Variants in CNTNAP4 observed in about 807,000 individuals in gnomAD.
CNTNAP4 encodes the protein contactin associated protein family member 4, also known as contactin-associated protein-like 4.
A neutral mutation model predicts 148.4 loss-of-function variants in CNTNAP4; 98 were observed. The ratio of observed to expected loss-of-function variants is 0.66; its 90% CI spans 0.56 to 0.78. The LOEUF is 0.78. CNTNAP4 is among the 30% of genes least tolerant of loss of function. CNTNAP4 has a pLI of 0.00. For missense variants in CNTNAP4, 1,935 were observed against 1,565.6 expected (o/e 1.24, Z -3.98); for synonymous variants, 730 against 565.1 (o/e 1.29, Z -4.14).
intron 1 of CNTNAP4, among the ~76,000 whole-genome samples, chr16:76,306,223 G>T (rs1960465420): frequency 6.6e-6 from 1 of 152,154 alleles, no homozygotes; most frequent in Admixed American, 6.5e-5. Flanking sequence ...AGTTCTTTGA[G>T]AAATATCTAA....
Position 76,454,229 on chromosome 16 carries a change from C to G in CNTNAP4, c.1333+1460C>G, listed in dbSNP as rs750443058. 9.9e-5 allele frequency among the ~76,000 whole-genome samples: 15 copies of G among 152,000 alleles called. No homozygotes were observed. The South Asian group carries it at 2.1e-3, about 21-fold the overall frequency. Reference sequence around the variant, plus strand: ...TCCCGGGTTCAAGTGATTCTCCTGCCTCAGCCTCCCAAGTAACTGGGATTA... The same window carrying G: ...TCCCGGGTTCAAGTGATTCTCCTGCGTCAGCCTCCCAAGTAACTGGGATTA... On this transcript the variant is annotated intron_variant, in intron 8 of 23. Coordinates refer to ENST00000611870, the MANE Select transcript of CNTNAP4 (RefSeq NM_033401.5).
In CNTNAP4 at chr16:76,560,029, A is replaced by G. The variant is rs2085355540; in HGVS notation, c.*1346A>G. Among the ~76,000 whole-genome samples the G allele has an allele frequency of 1.3e-5, 2 of 152,220 alleles. No homozygotes were observed. The highest frequency in any genetic ancestry group is 6.5e-5 in the Admixed American group (1 of 15,274). On this transcript the variant is annotated 3_prime_UTR_variant, in exon 24 of 24. Transcript: ENST00000611870. Reference sequence around the variant, plus strand: ...TGGTACATTCTGATTAGGGTGTATTATACACTAGGAGATCAAAGAATGATC... The same window carrying G: ...TGGTACATTCTGATTAGGGTGTATTGTACACTAGGAGATCAAAGAATGATC...
chr16:76,299,543 G>A (rs1959706789), intron 1 of CNTNAP4, among the ~76,000 whole-genome samples: 1 of 152,144 alleles, frequency 6.6e-6, no homozygotes, highest in Non-Finnish European at 1.5e-5. Flanking sequence ...TTACACTGTT[G>A]GTGGGACTGT....
chr16:76,414,191 CA>C (rs1568066794), intron 3 of CNTNAP4, among the ~76,000 whole-genome samples: 1 of 151,338 alleles, frequency 6.6e-6, no homozygotes, highest in Non-Finnish European at 1.5e-5. Flanking sequence ...ATGATTTTTA[CA>C]GATACTCTTT....
At chr16:76,383,342 C>G (rs376408409) in intron 3 of CNTNAP4, among the ~76,000 whole-genome samples, 1 of 142,684 alleles carries the variant, frequency 7.0e-6, no homozygotes, top group Admixed American at 7.3e-5. Flanking sequence ...ATGTGTGCTT[C>G]GAAAGATTCT....
chr16:76,426,237 A>G (rs757349588), intron 3 of CNTNAP4, among the ~76,000 whole-genome samples: 3 of 152,148 alleles, frequency 2.0e-5, no homozygotes, highest in Non-Finnish European at 4.4e-5. Context: ...TGTTTTGGTA[A>G]ATGATAGTAA....
chr16:76,550,961 A>G lies in CNTNAP4; in HGVS notation c.3443-2322A>G, dbSNP rs1228582129. Among the ~76,000 whole-genome samples the G allele has an allele frequency of 2.0e-5, 3 of 152,204 alleles. No individual in the cohort carries two copies. In the South Asian group the frequency reaches 6.2e-4, roughly 31 times the overall value. On this transcript the variant is annotated intron_variant, in intron 21 of 23. Coordinates refer to ENST00000611870, the MANE Select transcript of CNTNAP4 (RefSeq NM_033401.5). Reference sequence around the variant, plus strand: ...GTGGGTCAGAACATGGCTCAATACCAGATCCCTCACAACAGGAAAGTGATA... The same window carrying G: ...GTGGGTCAGAACATGGCTCAATACCGGATCCCTCACAACAGGAAAGTGATA...
chr16:76,335,094 G>C (rs1160012121), intron 2 of CNTNAP4, among the ~76,000 whole-genome samples: 1 of 152,102 alleles, frequency 6.6e-6, no homozygotes, highest in Non-Finnish European at 1.5e-5. Context: ...GAGGTCACAG[G>C]GGAATGGGGT....
intron 17 of CNTNAP4, among the ~76,000 whole-genome samples, chr16:76,530,363 G>A (rs1432147163): frequency 6.6e-6 from 1 of 152,016 alleles, no homozygotes; most frequent in African/African-American, 2.4e-5. Context: ...TCCCATCCTT[G>A]AGGCATCTTT....
In CNTNAP4 at chr16:76,356,147, T is replaced by A. The variant is rs187993096; in HGVS notation, c.390+636T>A. Reference sequence around the variant, plus strand: ...GTCTCGGCGTCCCAAAGTGCTGGGATTATAGGCATGAGCCACTGAGCCCAG... The same window carrying A: ...GTCTCGGCGTCCCAAAGTGCTGGGAATATAGGCATGAGCCACTGAGCCCAG... On this transcript the variant is annotated intron_variant, in intron 3 of 23. Transcript: ENST00000611870. Among the ~76,000 whole-genome samples the A allele has an allele frequency of 3.9e-5, 6 of 152,236 alleles. No individual in the cohort carries two copies. In the East Asian group the frequency reaches 1.2e-3, roughly 29 times the overall value.
chr16:76,332,409 C>T (rs1044567562), intron 2 of CNTNAP4, among the ~76,000 whole-genome samples: 12 of 152,034 alleles, frequency 7.9e-5, no homozygotes, highest in African/African-American at 1.9e-4. Flanking sequence ...CACACAGGCA[C>T]GCACCACCAC....
At chr16:76,429,813 C>T (rs2079547613) in intron 4 of CNTNAP4, among the ~76,000 whole-genome samples, 1 of 152,090 alleles carries the variant, frequency 6.6e-6, no homozygotes, top group African/African-American at 2.4e-5. Flanking sequence ...GCATACTGTC[C>T]ATGTATTTGG....
chr16:76,377,374 G>C (rs185504718), intron 3 of CNTNAP4, among the ~76,000 whole-genome samples: 1 of 152,126 alleles, frequency 6.6e-6, no homozygotes, highest in African/African-American at 2.4e-5. Flanking sequence ...GTCTAAGGAA[G>C]CATGGAGTTA....
intron 1 of CNTNAP4, among the ~76,000 whole-genome samples, chr16:76,279,048 A>G (rs1056161766): frequency 1.3e-5 from 2 of 152,226 alleles, no homozygotes; most frequent in African/African-American, 4.8e-5. Flanking sequence ...AATTTCACCT[A>G]GTCAAAACCT....
At chr16:76,514,976 GT>G (rs900667001) in intron 15 of CNTNAP4, among the ~76,000 whole-genome samples, 17 of 152,230 alleles carry the variant, frequency 1.1e-4, no homozygotes, top group African/African-American at 3.6e-4. Context: ...GAAAAGGCTT[GT>G]TGGAATTTTA....
At chr16:76,404,857 TA>T (rs2144870030) in intron 3 of CNTNAP4, among the ~76,000 whole-genome samples, 1 of 152,224 alleles carries the variant, frequency 6.6e-6, no homozygotes, top group South Asian at 2.1e-4. Flanking sequence ...TCAAAATTGC[TA>T]AAATAATATA....
chr16:76,411,270 G>C (rs1392122966), intron 3 of CNTNAP4, among the ~76,000 whole-genome samples: 4 of 151,322 alleles, frequency 2.6e-5, no homozygotes, highest in Non-Finnish European at 1.5e-5. Flanking sequence ...ACATATTTAA[G>C]TTTCCATTTG....
At chr16:76,535,478 G>T (rs2084174492) in intron 17 of CNTNAP4, 67 bp from the exon 18 acceptor site, 3 of 1,550,432 alleles carry the variant, frequency 1.9e-6, no homozygotes, top group African/African-American at 1.4e-5. Flanking sequence ...CCTCAGTTTT[G>T]TTTGGTCTTT....
intron 4 of CNTNAP4, among the ~76,000 whole-genome samples, chr16:76,434,965 G>A (rs888662530): frequency 2.6e-5 from 4 of 152,102 alleles, no homozygotes; most frequent in African/African-American, 7.2e-5. Context: ...TAAAATCAGC[G>A]TCAACTCAGA....
Sources: gnomAD v4.1 joint callset for allele counts (sites outside exome capture counted in the v4.1 genomes callset) on GRCh38, gnomAD v4.1.1 for gene constraint, MANE v1.5 for transcripts, NCBI Gene and HGNC (gene_info 2026-07-23, HGNC 2026-07-21) for gene names.